NYAP2: variants seen among roughly 807,000 people sequenced by gnomAD.
The protein encoded by NYAP2 is neuronal tyrosine-phosphorylated phosphoinositide-3-kinase adapter 2.
In NYAP2, 23 loss-of-function variants were observed where a neutral mutation model predicts 50.4. The ratio of observed to expected loss-of-function variants is 0.46; its 90% CI spans 0.33 to 0.65. The LOEUF (loss-of-function observed/expected upper bound fraction) is 0.65. NYAP2 is among the 30% of genes least tolerant of loss of function. The pLI, the probability that NYAP2 is intolerant of heterozygous loss-of-function variation, is 0.02. For missense variants in NYAP2, 885 were observed against 861.0 expected, an observed-to-expected ratio of 1.03 and a Z score of -0.35; for synonymous variants, 394 against 365.2, an observed-to-expected ratio of 1.08 and a Z score of -0.90.
In NYAP2 at chr2:225,535,371, A is replaced by G. The variant is rs1691331342; in HGVS notation, c.523+21699A>G. ...GATGCAATCAATTGATAGTTCCCAA[A>G]GATAGTTAGGAGATGTGGGATGACG... On this transcript the variant is annotated intron_variant, in intron 4 of 6. Coordinates refer to ENST00000636099, the Ensembl canonical transcript of NYAP2. 2.0e-5 allele frequency among the ~76,000 whole-genome samples: 3 copies of G among 152,214 alleles called. No individual in the cohort carries two copies. The South Asian group carries it at 6.2e-4, about 32-fold the overall frequency.
chr2:225,476,410 C>T (rs1012946154), intron 3 of NYAP2, among the ~76,000 whole-genome samples: 19 of 137,110 alleles, frequency 1.4e-4, no homozygotes, highest in African/African-American at 5.2e-4. Context: ...GGGACTCTGT[C>T]TCAAAAAAAA....
At chr2:225,595,999 G>A (rs1327383973) in intron 5 of NYAP2, among the ~76,000 whole-genome samples, 1 of 152,042 alleles carries the variant, frequency 6.6e-6, no homozygotes, top group Non-Finnish European at 1.5e-5. Context: ...ATCTGATATT[G>A]TTGATTATTC....
intron 3 of NYAP2, among the ~76,000 whole-genome samples, chr2:225,474,404 T>A (rs1300827234): frequency 6.6e-6 from 1 of 152,152 alleles, no homozygotes; most frequent in Non-Finnish European, 1.5e-5. Flanking sequence ...CTTGGGCAGT[T>A]TGGCCATTTT....
exon 7 of NYAP2, chr2:225,653,398 G>C (rs1249474479): frequency 6.6e-6 from 1 of 152,188 alleles, no homozygotes; most frequent in Non-Finnish European, 1.5e-5. Flanking sequence ...ATAGAGACAA[G>C]GTATACCCTT....
At chr2:225,672,637 T>A in the NYAP2 span, among the ~76,000 whole-genome samples, 4 of 152,144 alleles carry the variant, frequency 2.6e-5, no homozygotes, top group African/African-American at 9.7e-5. Flanking sequence ...TGGCCTATAT[T>A]GACTTTTGAC....
intron 3 of NYAP2, among the ~76,000 whole-genome samples, chr2:225,446,291 G>A (rs1332360828): frequency 7.6e-6 from 1 of 131,932 alleles, no homozygotes; most frequent in African/African-American, 2.8e-5. Flanking sequence ...TGTGGAATTA[G>A]GAAGCAGAAA....
chr2:225,487,072 T>C (rs542433648), intron 3 of NYAP2, among the ~76,000 whole-genome samples: 1 of 152,228 alleles, frequency 6.6e-6, no homozygotes, highest in African/African-American at 2.4e-5. Context: ...GTTTAGATTC[T>C]CTTGAACACC....
intron 2 of NYAP2, among the ~76,000 whole-genome samples, chr2:225,406,442 A>G (rs1034116327): frequency 6.6e-6 from 1 of 151,990 alleles, no homozygotes; most frequent in Admixed American, 6.6e-5. Flanking sequence ...ACCTAAATCA[A>G]CACTAGTCAC....
At chr2:225,649,023 A>T (rs1693685586) in intron 6 of NYAP2, among the ~76,000 whole-genome samples, 1 of 152,110 alleles carries the variant, frequency 6.6e-6, no homozygotes, top group South Asian at 2.1e-4. Context: ...CAGAAAGAGA[A>T]TGTAGTTGGT....
intron 3 of NYAP2, among the ~76,000 whole-genome samples, chr2:225,443,509 G>A (rs1435773074): frequency 1.3e-5 from 2 of 151,992 alleles, no homozygotes; most frequent in East Asian, 1.9e-4. Flanking sequence ...TCAATACTAC[G>A]TACTGGAGCT....
chr2:225,398,623 G>A (rs1694807874), upstream of NYAP2, among the ~76,000 whole-genome samples: 3 of 53,728 alleles, frequency 5.6e-5, no homozygotes, highest in East Asian at 5.9e-4. Context: ...CCTTCATAAG[G>A]CAGAGAGAGA....
intron 4 of NYAP2, among the ~76,000 whole-genome samples, chr2:225,535,434 A>G (rs1268290080): frequency 6.6e-6 from 1 of 152,220 alleles, no homozygotes; most frequent in Non-Finnish European, 1.5e-5. Flanking sequence ...ACAAGTGGCA[A>G]AAACAGTTGC....
intron 5 of NYAP2, among the ~76,000 whole-genome samples, chr2:225,586,456 G>GTCATTATTAATTTTGGTCATTAAT (rs1169912942): frequency 6.6e-6 from 1 of 151,984 alleles, no homozygotes. Flanking sequence ...ACTTTTTTTA[G>GTCATTATTAATTTTGGTCATTAAT]TTGGTCATTA....
chr2:225,504,345 C>T (rs1690665605), intron 3 of NYAP2, among the ~76,000 whole-genome samples: 1 of 152,048 alleles, frequency 6.6e-6, no homozygotes, highest in African/African-American at 2.4e-5. Flanking sequence ...AGGGTTTTGC[C>T]CCCAAGACTT....
At chr2:225,542,160 A>T (rs962367383) in intron 4 of NYAP2, among the ~76,000 whole-genome samples, 2 of 152,102 alleles carry the variant, frequency 1.3e-5, no homozygotes, top group Admixed American at 6.6e-5. Context: ...CAGTTTTAAT[A>T]GTTTTTGGTG....
chr2:225,437,735 G>T (rs2106138439), intron 3 of NYAP2, among the ~76,000 whole-genome samples: 1 of 152,316 alleles, frequency 6.6e-6, no homozygotes, highest in East Asian at 1.9e-4. Flanking sequence ...CATCCCTTCA[G>T]ATGAGGAAGC....
chr2:225,414,841 T>C (rs898917247), intron 3 of NYAP2, among the ~76,000 whole-genome samples: 4 of 152,188 alleles, frequency 2.6e-5, no homozygotes, highest in African/African-American at 9.6e-5. Flanking sequence ...GTCCCTGCAC[T>C]GTCTGATTTT....
At chr2:225,684,301 G>A in the NYAP2 span, among the ~76,000 whole-genome samples, 1 of 152,094 alleles carries the variant, frequency 6.6e-6, no homozygotes, top group African/African-American at 2.4e-5. Context: ...GCTTCTGTGT[G>A]GAGATCACAA....
At chr2:225,590,216 C>T (rs1409025820) in intron 5 of NYAP2, among the ~76,000 whole-genome samples, 1 of 152,216 alleles carries the variant, frequency 6.6e-6, no homozygotes, top group Non-Finnish European at 1.5e-5. Context: ...ACAGTGACCT[C>T]CTGTGGCCTC....
Sources: gnomAD v4.1 joint callset for allele counts (sites outside exome capture counted in the v4.1 genomes callset) on GRCh38, gnomAD v4.1.1 for gene constraint, MANE v1.5 for transcripts, NCBI Gene and HGNC (gene_info 2026-07-23, HGNC 2026-07-21) for gene names.